PDK1: variants seen among roughly 807,000 people sequenced by gnomAD.
PDK1 encodes pyruvate dehydrogenase kinase 1.
A neutral mutation model predicts 54.2 loss-of-function variants in PDK1; 39 were observed. That is an observed-to-expected ratio of 0.72 (90% CI 0.56 to 0.94). The LOEUF is 0.94. Ranked by LOEUF, PDK1 falls within the 40% of genes least tolerant of loss-of-function variation. The pLI, the probability that PDK1 is intolerant of heterozygous loss-of-function variation, is 0.00. For synonymous variants in PDK1, 221 were observed against 207.1 expected (o/e 1.07, Z -0.58); for missense variants, 552 against 566.0 (o/e 0.98, Z 0.25).
At chr2:172,580,559 T>A (rs1189212437) in intron 8 of PDK1, among the ~76,000 whole-genome samples, 1 of 152,170 alleles carries the variant, frequency 6.6e-6, no homozygotes, top group African/African-American at 2.4e-5. Flanking sequence ...AATCTGTCTT[T>A]ATGATGTAAA....
chr2:172,672,130 G>A, the PDK1 span, among the ~76,000 whole-genome samples: 2 of 152,132 alleles, frequency 1.3e-5, no homozygotes, highest in Non-Finnish European at 2.9e-5. Flanking sequence ...CTGCAGAGAG[G>A]AAGACAAATG....
At position 172,568,737 on chromosome 2, in the gene PDK1, G is replaced by A. The variant is rs754261494; in HGVS notation, c.770-4G>A. The stretch of plus-strand genomic sequence containing the variant: ...CTTTCATATTTTTCTCTTCTGCTCT[G>A]TAGCAAAATCACCAGGACAGCCAAT... On this transcript the variant is annotated splice_region_variant and splice_polypyrimidine_tract_variant and intron_variant, in intron 6 of 10. Transcript: ENST00000282077. The A allele has an allele frequency of 6.3e-7, 1 of 1,586,776 alleles. No homozygotes were observed. The highest frequency in any genetic ancestry group is 8.7e-7 in the Non-Finnish European group (1 of 1,155,086).
chr2:172,594,481 A>G (rs942936696), intron 10 of PDK1, among the ~76,000 whole-genome samples: 3 of 152,240 alleles, frequency 2.0e-5, no homozygotes, highest in African/African-American at 7.2e-5. Flanking sequence ...ATTGCACAAA[A>G]AAAAATCTCA....
At chr2:172,565,604 G>T (rs1295874680) in intron 5 of PDK1, among the ~76,000 whole-genome samples, 1 of 151,998 alleles carries the variant, frequency 6.6e-6, no homozygotes, top group Non-Finnish European at 1.5e-5. Context: ...CCCAGCTGAG[G>T]GTATCTTTCA....
chr2:172,596,989 G>C lies in PDK1; in HGVS notation c.*1020G>C, dbSNP rs916287511. On this transcript the variant is annotated 3_prime_UTR_variant, in exon 11 of 11. Transcript: ENST00000282077. Reference sequence around the variant, plus strand: ...TATTTAAAGTCAGATTTATAGACTCGAGGAGACAGAAACTGAATCCCACAC... The same window carrying C: ...TATTTAAAGTCAGATTTATAGACTCCAGGAGACAGAAACTGAATCCCACAC... 2 of 152,102 alleles carry C rather than the reference G, an allele frequency of 1.3e-5. No homozygotes were observed. The highest frequency in any genetic ancestry group is 2.4e-5 in the African/African-American group (1 of 41,382). The allele number at this position is 152,102 out of a possible 1,614,324, so 9.4% of individuals were successfully genotyped here.
intron 8 of PDK1, among the ~76,000 whole-genome samples, chr2:172,576,028 C>T (rs962299951): frequency 1.8e-4 from 27 of 152,010 alleles, no homozygotes; most frequent in African/African-American, 6.3e-4. Flanking sequence ...CCCGAGTTCA[C>T]GCCATTCTCC....
the PDK1 span, among the ~76,000 whole-genome samples, chr2:172,717,222 T>C: frequency 6.6e-6 from 1 of 152,168 alleles, no homozygotes; most frequent in African/African-American, 2.4e-5. Context: ...GAGAGACCCA[T>C]GTATGGCTGA....
rs912152221 is a variant in PDK1, at chr2:172,599,315, C to T, written c.*3346C>T. The T allele has an allele frequency of 6.6e-6, 1 of 152,112 alleles. No individual in the cohort carries two copies. The highest frequency in any genetic ancestry group is 2.4e-5 in the African/African-American group (1 of 41,438). The allele number at this position is 152,112 out of a possible 1,614,324, so 9.4% of individuals were successfully genotyped here. ...CCTTCATTGTTGAAGCCAACAAGTT[C>T]CGTAACAGAACTCCAGAGGTAAATA... On this transcript the variant is annotated 3_prime_UTR_variant, in exon 11 of 11. Coordinates refer to ENST00000282077, the MANE Select transcript of PDK1 (RefSeq NM_002610.5).
the PDK1 span, among the ~76,000 whole-genome samples, chr2:172,669,859 CT>C: frequency 3.3e-5 from 5 of 152,046 alleles, no homozygotes; most frequent in African/African-American, 9.7e-5. Context: ...TCTTTGTTTT[CT>C]TGTTTTTGAG....
chr2:172,698,333 T>C, the PDK1 span, among the ~76,000 whole-genome samples: 1 of 152,022 alleles, frequency 6.6e-6, no homozygotes, highest in Non-Finnish European at 1.5e-5. Flanking sequence ...TAGCATAAGT[T>C]TGGGCTGGTT....
At chr2:172,591,820 T>C (rs1690604959) in intron 9 of PDK1, among the ~76,000 whole-genome samples, 1 of 152,264 alleles carries the variant, frequency 6.6e-6, no homozygotes, top group Admixed American at 6.5e-5. Context: ...GTTCAGTCCA[T>C]ATTAACTTAA....
chr2:172,635,748 T>C, the PDK1 span, among the ~76,000 whole-genome samples: 1 of 152,224 alleles, frequency 6.6e-6, no homozygotes, highest in Non-Finnish European at 1.5e-5. Flanking sequence ...CTTGGGAGTA[T>C]GCCTTTCATA....
intron 9 of PDK1, among the ~76,000 whole-genome samples, chr2:172,590,777 A>ATTGTACAGAGTGCTGATTGGTGCAT (rs1553484890): frequency 9.9e-5 from 14 of 141,156 alleles, no homozygotes; most frequent in African/African-American, 3.7e-4. Flanking sequence ...TGATTGGTCC[A>ATTGTACAGAGTGCTGATTGGTGCAT]TTTTACAGAG....
the PDK1 span, among the ~76,000 whole-genome samples, chr2:172,710,938 G>T: frequency 6.6e-6 from 1 of 152,176 alleles, no homozygotes; most frequent in African/African-American, 2.4e-5. Context: ...ATGTGATTCT[G>T]TGCTCTGAGT....
In PDK1 at chr2:172,608,193, A is replaced by G. The variant is rs1443066281; in HGVS notation, c.*12224A>G. On this transcript the variant is annotated 3_prime_UTR_variant, in exon 11 of 11. Transcript: ENST00000282077. ...GATAGGAGAAAAGAAATGGGATGAT[A>G]ATGATATTGCTGTACTAAAGTCTAT... 2.1e-5 allele frequency: 3 copies of G among 145,734 alleles called. No homozygotes were observed. Among genetic ancestry groups the G allele is most frequent in the East Asian group, 1.9e-4 (1 of 5,176 alleles). 9.0% of individuals were successfully genotyped at this position (145,734 alleles called of 1,614,324 possible). A position where few individuals can be genotyped will look rare whatever the true frequency, so the allele number is the denominator to read the frequency against.
Position 172,558,752 on chromosome 2 carries a change from C to A in PDK1, c.241C>A (p.Gln81Lys), listed in dbSNP as rs759782464. ...CEKTSFMFLR[Q>K]ELPVRLANIM... ...AAAGACCTCATTTATGTTTCTGCGG[C>A]AAGAGTTGCCTGTCAGACTGGCAAA... The change falls in exon 2 of 11, where the codon CAA (glutamine) becomes AAA (lysine). Residue 81 changes from glutamine (Q) to lysine (K), a missense_variant. Physicochemically the swap from Gln to Lys is moderately conservative, Grantham distance 53. Transcript: ENST00000282077. The A allele has an allele frequency of 6.2e-7, 1 of 1,609,904 alleles. No homozygotes were observed. The highest frequency in any genetic ancestry group is 8.5e-7 in the Non-Finnish European group (1 of 1,178,516).
rs1327138499 is a variant in PDK1 at position 172,598,124 on chromosome 2, A to C, written c.*2155A>C. ...AATTTATATTAGTTCGATGTATTAC[A>C]ATTTTTTAGCTTTAAATTACAGTTT... On this transcript the variant is annotated 3_prime_UTR_variant, in exon 11 of 11. Transcript: ENST00000282077. 1 of 152,212 alleles carries C rather than the reference A, an allele frequency of 6.6e-6. No individual in the cohort carries two copies. Among genetic ancestry groups the C allele is most frequent in the African/African-American group, 2.4e-5 (1 of 41,460 alleles). 9.4% of individuals were successfully genotyped at this position (152,212 alleles called of 1,614,324 possible). A position where few individuals can be genotyped will look rare whatever the true frequency, so the allele number is the denominator to read the frequency against.
intron 3 of PDK1, 146 bp downstream of exon 3, chr2:172,562,437 A>C (rs932092005): frequency 1.9e-5 from 12 of 639,206 alleles, no homozygotes; most frequent in Middle Eastern, 3.5e-4. Flanking sequence ...AACAATCAGC[A>C]AATTTGACTA....
the PDK1 span, among the ~76,000 whole-genome samples, chr2:172,683,398 T>C: frequency 6.6e-6 from 1 of 150,652 alleles, no homozygotes; most frequent in Non-Finnish European, 1.5e-5. Flanking sequence ...TGGCTAACAG[T>C]TCTGCAGGCT....
Sources: allele counts gnomAD v4.1 joint callset (sites outside exome capture counted in the v4.1 genomes callset), GRCh38; gene constraint gnomAD v4.1.1; transcripts MANE v1.5; gene names NCBI Gene and HGNC (gene_info 2026-07-23, HGNC 2026-07-21).